Variants in AKAP10 observed in about 807,000 individuals in gnomAD.
The protein encoded by AKAP10 is A-kinase anchor protein 10, mitochondrial.
In AKAP10, 24 loss-of-function variants were observed where a neutral mutation model predicts 80.8. The observed-to-expected ratio is 0.30, with a 90% CI of 0.22 to 0.42. AKAP10 has a LOEUF of 0.42. Ranked by LOEUF, AKAP10 falls within the 10% of genes least tolerant of loss-of-function variation. AKAP10 has a pLI of 1.00. For synonymous variants in AKAP10, 291 were observed against 277.7 expected, an observed-to-expected ratio of 1.05 and a Z score of -0.48; for missense variants, 661 against 794.9, an observed-to-expected ratio of 0.83 and a Z score of 2.03.
At chr17:19,934,965 C>T (rs2042976648) in intron 9 of AKAP10, among the ~76,000 whole-genome samples, 1 of 152,162 alleles carries the variant, frequency 6.6e-6, no homozygotes, top group South Asian at 2.1e-4. Context: ...TGTGCCAAGA[C>T]TGTGCAACTG....
intron 10 of AKAP10, among the ~76,000 whole-genome samples, chr17:19,925,809 G>T (rs948866189): frequency 2.6e-5 from 4 of 151,746 alleles, no homozygotes; most frequent in African/African-American, 9.7e-5. Context: ...AATAAAGAGG[G>T]AATATTTCCC....
chr17:19,909,317 T>C, intron 13 of AKAP10, 41 bp from the exon 14 acceptor site: 2 of 1,547,254 alleles, frequency 1.3e-6, no homozygotes, highest in Non-Finnish European at 1.8e-6. Context: ...GGTTATTCAT[T>C]AGATGGATCG....
chr17:19,914,628 C>CAAAAAAAAAAAAAAAAA (rs36071856), intron 12 of AKAP10, among the ~76,000 whole-genome samples: 2 of 58,510 alleles, frequency 3.4e-5, no homozygotes, highest in East Asian at 1.4e-3. Context: ...GACCCTATCT[C>CAAAAAAAAAAAAAAAAA]AAAAAAAAAA....
chr17:19,976,578 G>A (rs2152420411), intron 1 of AKAP10, among the ~76,000 whole-genome samples: 1 of 151,900 alleles, frequency 6.6e-6, no homozygotes, highest in Non-Finnish European at 1.5e-5. Flanking sequence ...GGAGTGCAAT[G>A]GTGCTATCTC....
At chr17:19,918,910 T>C (rs1052304937) in intron 12 of AKAP10, among the ~76,000 whole-genome samples, 1 of 152,150 alleles carries the variant, frequency 6.6e-6, no homozygotes, top group African/African-American at 2.4e-5. Flanking sequence ...CTATTAATAT[T>C]TTCCACATAT....
intron 14 of AKAP10, 22 bp from the exon 15 acceptor site, chr17:19,906,254 A>AAAGAC: frequency 6.2e-7 from 1 of 1,601,268 alleles, no homozygotes. Context: ...AAAGAAAAGA[A>AAAGAC]AATGGTAAGG....
intron 11 of AKAP10, among the ~76,000 whole-genome samples, chr17:19,922,771 G>T (rs891308563): frequency 6.6e-6 from 1 of 152,062 alleles, no homozygotes; most frequent in African/African-American, 2.4e-5. Context: ...GTGGTGGCAC[G>T]TGCCTGTAGT....
At chr17:19,941,295 G>A (rs2152414515) in intron 6 of AKAP10, among the ~76,000 whole-genome samples, 1 of 152,184 alleles carries the variant, frequency 6.6e-6, no homozygotes, top group South Asian at 2.1e-4. Context: ...CTTCAAGACT[G>A]GCACTATGCC....
intron 4 of AKAP10, among the ~76,000 whole-genome samples, chr17:19,952,242 T>C (rs2043223650): frequency 6.6e-6 from 1 of 151,916 alleles, no homozygotes; most frequent in African/African-American, 2.4e-5. Context: ...AGCAGGTGGA[T>C]CACCTGAGGT....
At chr17:19,911,806 G>T (rs1308623858) in intron 12 of AKAP10, among the ~76,000 whole-genome samples, 1 of 114,304 alleles carries the variant, frequency 8.7e-6, no homozygotes, top group East Asian at 3.2e-4. Context: ...TTGCACTCCA[G>T]CCTCGGCAAC....
At chr17:19,925,180 A>G (rs2042863554) in intron 10 of AKAP10, among the ~76,000 whole-genome samples, 1 of 152,092 alleles carries the variant, frequency 6.6e-6, no homozygotes, top group East Asian at 1.9e-4. Context: ...TAAAAAATAA[A>G]ATAAAATAAA....
rs36071856 is a variant in AKAP10 at position 19,914,628 on chromosome 17, C to CAAA, written c.1835-4653_1835-4651dup. Among the ~76,000 whole-genome samples, 414 of 58,292 alleles carry CAAA rather than the reference C, an allele frequency of 7.1e-3. 6 individuals carry two copies. Among genetic ancestry groups the CAAA allele is most frequent in the Admixed American group, 0.013 (56 of 4,430 alleles). 38.2% of individuals were successfully genotyped at this position (58,292 alleles called of 152,430 possible). On this transcript the variant is annotated intron_variant, in intron 12 of 14. Transcript: ENST00000225737. ...TGGGCAACAGAGCAAGACCCTATCT[C>CAAA]AAAAAAAAAAAAAAAAAAAAAAGAT...
intron 4 of AKAP10, among the ~76,000 whole-genome samples, chr17:19,953,787 T>C (rs1037565664): frequency 5.3e-5 from 8 of 151,398 alleles, no homozygotes; most frequent in Non-Finnish European, 8.8e-5. Context: ...ATCCTAACAC[T>C]TTGGGAGGCC....
intron 10 of AKAP10, among the ~76,000 whole-genome samples, chr17:19,930,670 G>A (rs1452448291): frequency 6.6e-6 from 1 of 151,902 alleles, no homozygotes; most frequent in Non-Finnish European, 1.5e-5. Context: ...GAGGTCAGGG[G>A]TTCAAGACCA....
chr17:19,977,813 C>A lies in AKAP10; in HGVS notation c.-134G>T. ...CTCCAGCCGCCATATTATCAACAAGCCGCCCGCCCGGAGTTCCGGTCCTTC... is the reference window on the plus strand; with the variant it reads ...CTCCAGCCGCCATATTATCAACAAGACGCCCGCCCGGAGTTCCGGTCCTTC... On this transcript the variant is annotated 5_prime_UTR_variant, in exon 1 of 15. Transcript: ENST00000225737. 2.1e-6 allele frequency: 1 copy of A among 475,054 alleles called. No homozygotes were observed. Among genetic ancestry groups the A allele is most frequent in the Non-Finnish European group, 3.4e-6 (1 of 295,238 alleles). 29.4% of individuals were successfully genotyped at this position (475,054 alleles called of 1,614,324 possible). A position where few individuals can be genotyped will look rare whatever the true frequency, so the allele number is the denominator to read the frequency against.
At chr17:19,921,434 G>A (rs1271364225) in intron 11 of AKAP10, among the ~76,000 whole-genome samples, 1 of 152,036 alleles carries the variant, frequency 6.6e-6, no homozygotes, top group African/African-American at 2.4e-5. Context: ...GGGATTACAG[G>A]CGTGAGCCAC....
rs375240721 is a variant in AKAP10, at chr17:19,931,840, A to T, written c.1606T>A (p.Ser536Thr). The stretch of plus-strand genomic sequence containing the variant: ...GAGCTGTCAGAACTCCCTGGGTGAG[A>T]CTCATCAGGAGGGCCAACAGAGCCA... ...APGSVGPPDE[S>T]HPGSSDSSAS... The change falls in exon 10 of 15, where the codon TCT (serine) becomes ACT (threonine). Residue 536 changes from serine (S) to threonine (T), a missense_variant. Ser to Thr is a moderately conservative substitution (Grantham distance 58). Coordinates refer to ENST00000225737, the MANE Select transcript of AKAP10 (RefSeq NM_007202.4). 30 of 1,613,852 alleles carry T rather than the reference A, an allele frequency of 1.9e-5. No individual in the cohort carries two copies. Among genetic ancestry groups the T allele is most frequent in the Non-Finnish European group, 2.5e-5 (30 of 1,180,012 alleles).
At chr17:19,921,691 CA>C (rs1203439452) in intron 11 of AKAP10, among the ~76,000 whole-genome samples, 4 of 149,774 alleles carry the variant, frequency 2.7e-5, no homozygotes, top group Non-Finnish European at 3.0e-5. Flanking sequence ...AAAATTTTTT[CA>C]AAAAAAAATT....
chr17:19,957,946 G>C (rs189377928), intron 4 of AKAP10, 68 bp downstream of exon 4: 1 of 1,435,876 alleles, frequency 7.0e-7, no homozygotes, highest in African/African-American at 1.4e-5. Flanking sequence ...CTCATCTGAA[G>C]TTCTGCTTAG....
Sources: allele counts gnomAD v4.1 joint callset (sites outside exome capture counted in the v4.1 genomes callset), GRCh38; gene constraint gnomAD v4.1.1; transcripts MANE v1.5; gene names NCBI Gene and HGNC (gene_info 2026-07-23, HGNC 2026-07-21).